C6: variants seen among roughly 807,000 people sequenced by gnomAD.
C6 encodes the protein complement component C6.
C6 carries 101 observed loss-of-function variants against 112.9 expected under a neutral mutation model. The ratio of observed to expected loss-of-function variants is 0.89; its 90% CI spans 0.76 to 1.06. The LOEUF (loss-of-function observed/expected upper bound fraction) is 1.06. C6 is among the 50% of genes least tolerant of loss of function. The probability of loss-of-function intolerance (pLI) is 0.00; values close to 1 mark genes in which losing one functional copy is unlikely to be tolerated. For missense variants in C6, 1,202 were observed against 1,104.6 expected (o/e 1.09, Z -1.25); for synonymous variants, 431 against 384.1 (o/e 1.12, Z -1.43).
intron 1 of C6, among the ~76,000 whole-genome samples, chr5:41,234,675 A>G (rs1356986294): frequency 6.6e-6 from 1 of 152,178 alleles, no homozygotes; most frequent in African/African-American, 2.4e-5. Context: ...ACAGAAGAGC[A>G]GAAAACCCTC....
rs183366974 is a variant in C6, at chr5:41,242,015, A to G, written c.-21+19179T>C. Among the ~76,000 whole-genome samples the G allele has an allele frequency of 5.0e-3, 765 of 152,330 alleles. 2 individuals are homozygous for G. Among genetic ancestry groups the G allele is most frequent in the Middle Eastern group, 0.017 (5 of 294 alleles). On this transcript the variant is annotated intron_variant, in intron 1 of 17. Coordinates refer to the C6 transcript ENST00000263413. ...GGGAGCTTAAGTTTGAGCTCATTAT[A>G]TAGTTACCTTGAATAATATTAATTG...
At chr5:41,212,736 C>T (rs1752026540) in intron 1 of C6, among the ~76,000 whole-genome samples, 1 of 152,172 alleles carries the variant, frequency 6.6e-6, no homozygotes, top group Non-Finnish European at 1.5e-5. Context: ...CTCATAGTTG[C>T]CATCCCCTCT....
At chr5:41,240,224 G>A (rs1349457554) in intron 1 of C6, among the ~76,000 whole-genome samples, 4 of 152,104 alleles carry the variant, frequency 2.6e-5, no homozygotes, top group Non-Finnish European at 5.9e-5. Flanking sequence ...CTCTGGTGAG[G>A]TTTTGCTGGA....
chr5:41,222,090 C>T (rs1296015602), intron 1 of C6, among the ~76,000 whole-genome samples: 6 of 150,542 alleles, frequency 4.0e-5, no homozygotes, highest in South Asian at 4.2e-4. Flanking sequence ...TGCTTGAACC[C>T]GGGAGGCAGA....
chr5:41,184,920 A>G (rs1250715297), intron 6 of C6, among the ~76,000 whole-genome samples: 2 of 152,192 alleles, frequency 1.3e-5, no homozygotes, highest in African/African-American at 4.8e-5. Flanking sequence ...TCTAAGCCTC[A>G]ATTTGCTCCA....
intron 9 of C6, among the ~76,000 whole-genome samples, chr5:41,163,074 T>A (rs1314863322): frequency 6.6e-6 from 1 of 152,030 alleles, no homozygotes; most frequent in Admixed American, 6.6e-5. Context: ...TACTGTTCCA[T>A]TAGCTTACTC....
intron 12 of C6, 143 bp downstream of exon 12, chr5:41,158,939 A>G: frequency 8.7e-7 from 1 of 1,151,316 alleles, no homozygotes; most frequent in African/African-American, 1.5e-5. Context: ...CAGTAGACCC[A>G]GTGGCTCATT....
intron 1 of C6, among the ~76,000 whole-genome samples, chr5:41,257,983 T>C (rs772203276): frequency 5.3e-5 from 8 of 152,174 alleles, no homozygotes; most frequent in Admixed American, 4.6e-4. Flanking sequence ...TAGAAAAAAA[T>C]CTTTTTACAT....
At chr5:41,203,629 T>A (rs1489786011) in intron 1 of C6, 1 of 198,338 alleles carries the variant, frequency 5.0e-6, no homozygotes, top group Non-Finnish European at 1.1e-5. Flanking sequence ...CAAGTACATT[T>A]CAGCTGTTCC....
intron 1 of C6, among the ~76,000 whole-genome samples, chr5:41,221,617 G>A (rs1739170220): frequency 6.6e-6 from 1 of 152,058 alleles, no homozygotes; most frequent in South Asian, 2.1e-4. Context: ...GCTACCTTAT[G>A]GATGTTGTTT....
intron 6 of C6, among the ~76,000 whole-genome samples, chr5:41,185,112 T>C (rs896872782): frequency 7.2e-5 from 11 of 152,200 alleles, no homozygotes; most frequent in Non-Finnish European, 1.3e-4. Context: ...GTTTAGGTTT[T>C]AGCTCTGTCT....
chr5:41,236,823 C>T (rs995041245), intron 1 of C6, among the ~76,000 whole-genome samples: 17 of 126,920 alleles, frequency 1.3e-4, no homozygotes, highest in Non-Finnish European at 2.6e-4. Flanking sequence ...AATTGATAGA[C>T]CGCTAGCAAG....
At chr5:41,145,380 C>T (rs1020415389) in intron 17 of C6, among the ~76,000 whole-genome samples, 3 of 152,204 alleles carry the variant, frequency 2.0e-5, no homozygotes, top group Non-Finnish European at 4.4e-5. Context: ...CAACTCTTAA[C>T]AAGGCGCTCA....
intron 8 of C6, 44 bp downstream of exon 8, chr5:41,176,431 T>C: frequency 6.3e-7 from 1 of 1,591,164 alleles, no homozygotes; most frequent in Non-Finnish European, 8.6e-7. Context: ...ATGTATTGCA[T>C]GCTATCATAC....
chr5:41,234,627 T>C lies in C6; in HGVS notation c.-21+26567A>G, dbSNP rs114347069. ...TTTATAAATGATTACTAATGACTAA[T>C]GAACCAATTGCCTAGTTCCTCTGCA... On this transcript the variant is annotated intron_variant, in intron 1 of 17. Transcript: ENST00000263413. 9.8e-3 allele frequency among the ~76,000 whole-genome samples: 1,490 copies of C among 152,244 alleles called. 32 individuals are homozygous for C. The highest frequency in any genetic ancestry group is 0.034 in the African/African-American group (1,413 of 41,546).
intron 13 of C6, among the ~76,000 whole-genome samples, chr5:41,158,364 A>C (rs1442448290): frequency 6.6e-6 from 1 of 152,160 alleles, no homozygotes; most frequent in Non-Finnish European, 1.5e-5. Context: ...CAGTTTGCTC[A>C]GACTCTGAAA....
chr5:41,202,848 C>T (rs762577302), intron 2 of C6, among the ~76,000 whole-genome samples: 3 of 152,174 alleles, frequency 2.0e-5, no homozygotes, highest in Non-Finnish European at 4.4e-5. Flanking sequence ...AAATATTCAA[C>T]TGAAAGTGTT....
At chr5:41,175,493 G>A (rs377337530) in intron 8 of C6, among the ~76,000 whole-genome samples, 2 of 152,278 alleles carry the variant, frequency 1.3e-5, no homozygotes, top group East Asian at 3.9e-4. Flanking sequence ...TACAGAGAAA[G>A]AGATGGAATG....
chr5:41,183,483 A>C (rs1749518603), intron 6 of C6, among the ~76,000 whole-genome samples: 1 of 152,182 alleles, frequency 6.6e-6, no homozygotes, highest in African/African-American at 2.4e-5. Context: ...AAAAAACAAC[A>C]GATGTTGGCA....
Sources: gnomAD v4.1 joint callset for allele counts (sites outside exome capture counted in the v4.1 genomes callset) on GRCh38, gnomAD v4.1.1 for gene constraint, MANE v1.5 for transcripts, NCBI Gene and HGNC (gene_info 2026-07-23, HGNC 2026-07-21) for gene names.